The following SPSB4 variants were observed in gnomAD, a reference collection of about 807,000 sequenced individuals.
SPSB4 encodes the protein SPRY domain-containing SOCS box protein 4.
In SPSB4, 21 loss-of-function variants were observed where a neutral mutation model predicts 20.9. The observed-to-expected ratio is 1.01, with a 90% CI of 0.71 to 1.45. The LOEUF is 1.45. SPSB4 is among the 40% of genes most tolerant of loss of function. SPSB4 has a pLI of 0.00. For missense variants in SPSB4, 399 were observed against 399.2 expected (o/e 1.00, Z 0.00); for synonymous variants, 207 against 183.8 (o/e 1.13, Z -1.02).
chr3:141,090,403 A>T lies in SPSB4; in HGVS notation c.694+23605A>T, dbSNP rs182270241. On this transcript the variant is annotated intron_variant, in intron 2 of 2. Transcript: ENST00000310546. ...GCTAATGATAAGTACGGTGGAGAAAAATAAAATAGGAAAGGAGCTGGAGTG... is the reference window on the plus strand; with the variant it reads ...GCTAATGATAAGTACGGTGGAGAAATATAAAATAGGAAAGGAGCTGGAGTG... Among the ~76,000 whole-genome samples, 170 of 152,278 alleles carry T rather than the reference A, an allele frequency of 1.1e-3. 1 individual carries two copies. The highest frequency in any genetic ancestry group is 2.0e-3 in the Non-Finnish European group (134 of 68,016).
chr3:141,060,209 G>T (rs1453157006), intron 1 of SPSB4, among the ~76,000 whole-genome samples: 1 of 152,166 alleles, frequency 6.6e-6, no homozygotes, highest in Non-Finnish European at 1.5e-5. Flanking sequence ...CCCAGTATGG[G>T]CCAAGCCAAG....
intron 2 of SPSB4, among the ~76,000 whole-genome samples, chr3:141,071,350 A>C (rs1298396941): frequency 1.3e-5 from 2 of 152,106 alleles, no homozygotes; most frequent in Non-Finnish European, 2.9e-5. Context: ...TGAGTGACAC[A>C]GGAATAAGAG....
intron 1 of SPSB4, among the ~76,000 whole-genome samples, chr3:141,064,901 C>A (rs933561589): frequency 6.6e-6 from 1 of 152,206 alleles, no homozygotes; most frequent in Non-Finnish European, 1.5e-5. Context: ...GGAAGGCAGT[C>A]TGGGGTCAGT....
chr3:141,105,561 T>C (rs1187714408), intron 2 of SPSB4, among the ~76,000 whole-genome samples: 1 of 152,218 alleles, frequency 6.6e-6, no homozygotes, highest in Non-Finnish European at 1.5e-5. Flanking sequence ...TCTGGCGTAG[T>C]ATTGAATCCA....
At chr3:141,080,033 CA>C (rs1938198378) in intron 2 of SPSB4, among the ~76,000 whole-genome samples, 1 of 152,134 alleles carries the variant, frequency 6.6e-6, no homozygotes, top group South Asian at 2.1e-4. Context: ...AAGTTATACA[CA>C]ATCTCATTTT....
rs549197673 is a variant in SPSB4 at position 141,083,107 on chromosome 3, G to T, written c.694+16309G>T. ...TCTGCTTTCTTTCTTTGGCCTCAAC[G>T]TGGTGATCTGGGCTTCCTTAGATTT... is the stretch of plus-strand genomic sequence containing the variant. On this transcript the variant is annotated intron_variant, in intron 2 of 2. Coordinates refer to ENST00000310546, the MANE Select transcript of SPSB4 (RefSeq NM_080862.3). Among the ~76,000 whole-genome samples the T allele has an allele frequency of 2.6e-5, 4 of 152,218 alleles. No individual in the cohort carries two copies. In the South Asian group the frequency reaches 8.3e-4, roughly 32 times the overall value.
intron 2 of SPSB4, among the ~76,000 whole-genome samples, chr3:141,081,559 G>T (rs945861041): frequency 1.3e-5 from 2 of 152,064 alleles, no homozygotes; most frequent in Non-Finnish European, 2.9e-5. Context: ...AATGTCAAAG[G>T]TCTTTGGTGG....
chr3:141,103,440 G>T (rs901091940), intron 2 of SPSB4, among the ~76,000 whole-genome samples: 1 of 152,166 alleles, frequency 6.6e-6, no homozygotes, highest in African/African-American at 2.4e-5. Flanking sequence ...CACTTTTGGT[G>T]CCCTCAGCTG....
chr3:141,147,169 G>C lies in SPSB4; in HGVS notation c.722G>C (p.Cys241Ser). 1 of 1,614,200 alleles carries C rather than the reference G, an allele frequency of 6.2e-7. No homozygotes were observed. The highest frequency in any genetic ancestry group is 8.5e-7 in the Non-Finnish European group (1 of 1,180,042). Residue 241 changes from cysteine to serine, a missense_variant, in exon 3 of 3, where the codon TGC becomes TCC. Coordinates refer to ENST00000310546, the MANE Select transcript of SPSB4 (RefSeq NM_080862.3). The part of the protein sequence containing the change: ...DPEPLPLMDL[C>S]RRSIRSALGR... ...GAGCCCCTGCCACTGATGGACCTGT[G>C]CCGGAGATCCATCCGCTCGGCCCTG...
chr3:141,143,254 T>C lies in SPSB4; in HGVS notation c.695-3888T>C, dbSNP rs564050598. Among the ~76,000 whole-genome samples the C allele has an allele frequency of 5.9e-5, 9 of 152,350 alleles. No homozygotes were observed. The East Asian group carries it at 1.7e-3, about 29-fold the overall frequency. On this transcript the variant is annotated intron_variant, in intron 2 of 2. Coordinates refer to ENST00000310546, the MANE Select transcript of SPSB4 (RefSeq NM_080862.3). ...TTTACCTTAAGTTTATGTGAGTTCT[T>C]GTGTGCTAGGTGAGTCTCTTGAAGA...
At chr3:141,088,085 GTC>G (rs1468496822) in intron 2 of SPSB4, among the ~76,000 whole-genome samples, 2 of 152,096 alleles carry the variant, frequency 1.3e-5, no homozygotes, top group African/African-American at 4.8e-5. Flanking sequence ...GCCCAAGGGG[GTC>G]TCTCTGCTCT....
chr3:141,065,062 T>C (rs1937838095), intron 1 of SPSB4, among the ~76,000 whole-genome samples: 2 of 152,172 alleles, frequency 1.3e-5, no homozygotes, highest in Admixed American at 6.5e-5. Context: ...AGTTCCCCCA[T>C]CACCAGAGGG....
intron 2 of SPSB4, chr3:141,124,305 G>C (rs964086268): frequency 6.6e-6 from 1 of 152,336 alleles, no homozygotes; most frequent in Non-Finnish European, 1.5e-5. Flanking sequence ...AGAGATTCAG[G>C]GTGGTCAGGG....
intron 2 of SPSB4, among the ~76,000 whole-genome samples, chr3:141,123,279 A>G (rs1206957949): frequency 1.3e-5 from 2 of 152,224 alleles, no homozygotes; most frequent in Non-Finnish European, 2.9e-5. Context: ...CCCAGTGCCT[A>G]GAACATTGAT....
chr3:141,134,038 T>TTC (rs200436014), intron 2 of SPSB4, among the ~76,000 whole-genome samples: 1,268 of 65,652 alleles, frequency 0.019, 25 homozygotes, highest in African/African-American at 0.097. Context: ...TTCTTTTCTT[T>TTC]TTTTTTTTTT....
At chr3:141,126,433 G>A (rs975906185) in intron 2 of SPSB4, among the ~76,000 whole-genome samples, 2 of 152,128 alleles carry the variant, frequency 1.3e-5, no homozygotes, top group South Asian at 2.1e-4. Flanking sequence ...CCAAGTCCAC[G>A]TCCACAGAGA....
intron 2 of SPSB4, among the ~76,000 whole-genome samples, chr3:141,131,796 T>C (rs2107804668): frequency 6.6e-6 from 1 of 152,368 alleles, no homozygotes; most frequent in Non-Finnish European, 1.5e-5. Flanking sequence ...TGAGCATTTG[T>C]GAATGAACAT....
intron 2 of SPSB4, among the ~76,000 whole-genome samples, chr3:141,102,459 G>T: frequency 6.6e-6 from 1 of 152,194 alleles, no homozygotes; most frequent in East Asian, 1.9e-4. Flanking sequence ...TTGAGAGCCA[G>T]AGAAGGCCAA....
intron 2 of SPSB4, among the ~76,000 whole-genome samples, chr3:141,146,652 T>C (rs1023778394): frequency 2.0e-5 from 3 of 151,888 alleles, no homozygotes; most frequent in African/African-American, 4.8e-5. Context: ...CGGGTGCCTG[T>C]AGTCCCAGCT....
Sources: allele counts gnomAD v4.1 joint callset (sites outside exome capture counted in the v4.1 genomes callset), GRCh38; gene constraint gnomAD v4.1.1; transcripts MANE v1.5; gene names NCBI Gene and HGNC (gene_info 2026-07-23, HGNC 2026-07-21).